The following NRK variants were observed in gnomAD, a reference collection of about 807,000 sequenced individuals.
NRK encodes Nik related kinase.
Under a neutral mutation model 125.2 loss-of-function variants are expected in NRK, and 67 were observed. The ratio of observed to expected loss-of-function variants is 0.54; its 90% CI spans 0.44 to 0.66. The LOEUF is 0.66. Among genes scored for constraint, NRK ranks in the 30% least tolerant of loss-of-function variants. The pLI is 0.00. For synonymous variants in NRK, 458 were observed against 429.0 expected, an observed-to-expected ratio of 1.07 and a Z score of -0.84; for missense variants, 1,224 against 1,192.9, an observed-to-expected ratio of 1.03 and a Z score of -0.38.
At chrX:105,877,372 G>T (rs1462269777) in intron 2 of NRK, among the ~76,000 whole-genome samples, 1 of 111,418 alleles carries the variant, frequency 9.0e-6, no homozygotes, top group Non-Finnish European at 1.9e-5. Context: ...ACATTAGTGA[G>T]AAAACTGGGA....
intron 1 of NRK, among the ~76,000 whole-genome samples, chrX:105,828,987 C>T (rs1018926114): frequency 8.9e-6 from 1 of 111,888 alleles, no homozygotes; most frequent in Non-Finnish European, 1.9e-5. Flanking sequence ...GCTGCTTTAT[C>T]TAACAATGCT....
chrX:105,863,321 G>GACACACACACACACACAC (rs769445045), intron 2 of NRK, among the ~76,000 whole-genome samples: 1 of 60,457 alleles, frequency 1.7e-5, no homozygotes, highest in Admixed American at 2.3e-4. Flanking sequence ...AATAGTAACA[G>GACACACACACACACACAC]ACACACACAC....
intron 7 of NRK, 62 bp downstream of exon 7, chrX:105,895,585 A>T: frequency 1.4e-6 from 1 of 740,599 alleles, no homozygotes; most frequent in South Asian, 2.3e-5. Flanking sequence ...CTCCTTTAAG[A>T]TAACTATGCT....
At chrX:105,833,758 T>G (rs2039225650) in intron 2 of NRK, among the ~76,000 whole-genome samples, 1 of 111,523 alleles carries the variant, frequency 9.0e-6, no homozygotes. Context: ...TTTGGACAAA[T>G]GCATACAGTC....
At chrX:105,869,701 T>A (rs1200251871) in intron 2 of NRK, among the ~76,000 whole-genome samples, 1 of 112,106 alleles carries the variant, frequency 8.9e-6, no homozygotes, top group Non-Finnish European at 1.9e-5. Context: ...AAGTTGAGAA[T>A]TCCATTTTGA....
chrX:105,895,482 G>A lies in NRK; in HGVS notation c.539G>A (p.Gly180Asp). The A allele has an allele frequency of 8.3e-7, 1 of 1,202,980 alleles. No homozygotes were observed. The highest frequency in any genetic ancestry group is 1.1e-6 in the Non-Finnish European group (1 of 887,765). The part of the protein sequence containing the change: ...AHRVIHRDIK[G>D]QNVLLTHNAE... ...CGAGTAATTCACCGGGACATCAAAG[G>A]TCAGAATGTGCTGCTGACTCATAAT... is the stretch of plus-strand genomic sequence containing the variant. The change falls in exon 7 of 29, where the codon GGT becomes GAT. Residue 180 changes from glycine (G) to aspartate (D), a missense_variant. By Grantham distance (94) the Gly-to-Asp change is moderately conservative. Transcript: ENST00000243300.
intron 24 of NRK, 59 bp downstream of exon 24, chrX:105,944,100 A>G: frequency 1.6e-6 from 1 of 607,686 alleles, no homozygotes; most frequent in Non-Finnish European, 2.6e-6. Context: ...AGAAATTGTG[A>G]ACAGAATCGT....
chrX:105,933,352 G>A (rs1204264464), intron 19 of NRK, among the ~76,000 whole-genome samples: 3 of 111,617 alleles, frequency 2.7e-5, no homozygotes, highest in South Asian at 3.7e-4. Context: ...TAAAAAGGAC[G>A]TGATGTCATA....
intron 2 of NRK, among the ~76,000 whole-genome samples, chrX:105,856,355 AGTTT>A (rs1208208868): frequency 8.9e-6 from 1 of 112,161 alleles, no homozygotes; most frequent in Non-Finnish European, 1.9e-5. Context: ...ATCTCATTTT[AGTTT>A]ATTATGTCAT....
chrX:105,932,020 A>C (rs916385737), intron 19 of NRK, among the ~76,000 whole-genome samples: 1 of 109,426 alleles, frequency 9.1e-6, no homozygotes, highest in African/African-American at 3.3e-5. Flanking sequence ...CCCTCCTCTA[A>C]CCCCTGATAA....
At chrX:105,945,764 A>G in intron 24 of NRK, 108 bp from the exon 25 acceptor site, 1 of 638,372 alleles carries the variant, frequency 1.6e-6, no homozygotes, top group Non-Finnish European at 2.5e-6. Flanking sequence ...TGATCTTGGC[A>G]ATGAATCCTG....
intron 2 of NRK, among the ~76,000 whole-genome samples, chrX:105,864,435 C>A (rs180837856): frequency 5.4e-5 from 6 of 111,567 alleles, no homozygotes; most frequent in African/African-American, 1.9e-4. Flanking sequence ...AATTAATGAA[C>A]AAACTCTGAA....
intron 1 of NRK, among the ~76,000 whole-genome samples, chrX:105,826,500 CT>C: frequency 9.9e-6 from 1 of 101,094 alleles, no homozygotes; most frequent in South Asian, 4.5e-4. Flanking sequence ...TCCCCTTTGC[CT>C]TCTGTGCCCA....
In NRK at chrX:105,916,071, C is replaced by A. The variant is rs1001625753; in HGVS notation, c.2417+274C>A. On this transcript the variant is annotated intron_variant, in intron 15 of 28. Transcript: ENST00000243300. Reference sequence around the variant, plus strand: ...TAAAAAGAAACAATAATAACAAATACTTTGACAGTATTCAATTAGTAGTCG... The same window carrying A: ...TAAAAAGAAACAATAATAACAAATAATTTGACAGTATTCAATTAGTAGTCG... 3.6e-5 allele frequency among the ~76,000 whole-genome samples: 4 copies of A among 110,799 alleles called. No individual in the cohort carries two copies. In the East Asian group the frequency reaches 8.5e-4, roughly 24 times the overall value.
intron 5 of NRK, among the ~76,000 whole-genome samples, chrX:105,892,240 T>C (rs771987416): frequency 9.0e-6 from 1 of 111,649 alleles, no homozygotes; most frequent in Non-Finnish European, 1.9e-5. Flanking sequence ...TGGCTGTCTG[T>C]GGGTGAATAA....
intron 2 of NRK, among the ~76,000 whole-genome samples, chrX:105,847,065 C>T (rs753058208): frequency 9.0e-6 from 1 of 111,718 alleles, no homozygotes; most frequent in South Asian, 3.8e-4. Flanking sequence ...GCCTGTAAAG[C>T]CCTCACTTTT....
chrX:105,822,867 A>T lies in NRK; in HGVS notation c.22A>T (p.Arg8Trp). Reference protein sequence around the residue: MAGPGGWRDREVTDLGHL... With the variant: MAGPGGWWDREVTDLGHL... ...AGCCATGGCGGGACCTGGGGGCTGG[A>T]GGGACAGGGAGGTCACGGATCTGGG... The change falls in exon 1 of 29, where the codon AGG becomes TGG. Residue 8 changes from arginine (R) to tryptophan (W), a missense_variant. Arg to Trp is a moderately radical substitution (Grantham distance 101). Transcript: ENST00000243300. 1 of 1,171,156 alleles carries T rather than the reference A, an allele frequency of 8.5e-7. No individual in the cohort carries two copies. The highest frequency in any genetic ancestry group is 1.1e-6 in the Non-Finnish European group (1 of 874,244).
At chrX:105,835,077 T>G (rs1398190349) in intron 2 of NRK, among the ~76,000 whole-genome samples, 1 of 112,000 alleles carries the variant, frequency 8.9e-6, no homozygotes, top group East Asian at 2.8e-4. Context: ...TATTTCACAA[T>G]TTTTGTTTAA....
In NRK at chrX:105,934,387, T is replaced by C; in HGVS notation, c.3442T>C (p.Ser1148Pro). ...STQSDFSANH[S>P]SPSKGSGMSA... ...ACAATCAGATTTTTCTGCCAATCACTCATCTCCTTCCAAAGGTTCTGGGAT... is the reference window on the plus strand; with the variant it reads ...ACAATCAGATTTTTCTGCCAATCACCCATCTCCTTCCAAAGGTTCTGGGAT... Residue 1148 changes from serine to proline, a missense_variant, in exon 20 of 29, where the codon TCA becomes CCA. Coordinates refer to ENST00000243300, the MANE Select transcript of NRK (RefSeq NM_198465.4). 8.3e-7 allele frequency: 1 copy of C among 1,205,205 alleles called. No homozygotes were observed. The highest frequency in any genetic ancestry group is 1.1e-6 in the Non-Finnish European group (1 of 890,297).
Sources: allele counts gnomAD v4.1 joint callset (sites outside exome capture counted in the v4.1 genomes callset), GRCh38; gene constraint gnomAD v4.1.1; transcripts MANE v1.5; gene names NCBI Gene and HGNC (gene_info 2026-07-23, HGNC 2026-07-21).